The following L3MBTL4 variants were observed in gnomAD, a reference collection of about 807,000 sequenced individuals.
L3MBTL4 encodes L3MBTL histone methyl-lysine binding protein 4.
In L3MBTL4, 70 loss-of-function variants were observed where a neutral mutation model predicts 84.5. The observed-to-expected ratio is 0.83, with a 90% CI of 0.68 to 1.01. The LOEUF (loss-of-function observed/expected upper bound fraction) is 1.01. Ranked by LOEUF, L3MBTL4 falls within the 50% of genes least tolerant of loss-of-function variation. The probability of loss-of-function intolerance (pLI) is 0.00; values close to 1 mark genes in which losing one functional copy is unlikely to be tolerated. For synonymous variants in L3MBTL4, 274 were observed against 259.8 expected, an observed-to-expected ratio of 1.05 and a Z score of -0.52; for missense variants, 715 against 754.8, an observed-to-expected ratio of 0.95 and a Z score of 0.62.
At chr18:6,364,598 T>C (rs1021886293) in intron 1 of L3MBTL4, among the ~76,000 whole-genome samples, 1 of 152,136 alleles carries the variant, frequency 6.6e-6, no homozygotes, top group African/African-American at 2.4e-5. Context: ...TTTTTCATCA[T>C]TAAATAAACT....
chr18:6,055,876 T>C (rs1326363248), intron 16 of L3MBTL4, among the ~76,000 whole-genome samples: 4 of 152,152 alleles, frequency 2.6e-5, no homozygotes, highest in African/African-American at 9.7e-5. Flanking sequence ...TAAGCTTTTG[T>C]CCTCAGCCTC....
intron 16 of L3MBTL4, among the ~76,000 whole-genome samples, chr18:6,062,424 G>A (rs1011524830): frequency 2.6e-5 from 4 of 151,808 alleles, no homozygotes; most frequent in Non-Finnish European, 4.4e-5. Flanking sequence ...CTTTGATTTT[G>A]TATAGTGTGA....
At chr18:6,236,606 A>G (rs990521896) in intron 10 of L3MBTL4, among the ~76,000 whole-genome samples, 2 of 152,236 alleles carry the variant, frequency 1.3e-5, no homozygotes, top group African/African-American at 4.8e-5. Flanking sequence ...ACACACTCAG[A>G]TCTGACAAGC....
chr18:6,223,949 G>T (rs368403377), intron 10 of L3MBTL4, among the ~76,000 whole-genome samples: 141 of 152,074 alleles, frequency 9.3e-4, no homozygotes, highest in African/African-American at 3.3e-3. Flanking sequence ...GGAGCGGTTC[G>T]ATATACTAGT....
At chr18:6,032,551 T>C (rs1252614492) in intron 16 of L3MBTL4, among the ~76,000 whole-genome samples, 1 of 152,010 alleles carries the variant, frequency 6.6e-6, no homozygotes, top group East Asian at 1.9e-4. Flanking sequence ...TTTTTTATTG[T>C]GGTAAAATAC....
At chr18:6,287,995 G>C (rs1015934018) in intron 4 of L3MBTL4, among the ~76,000 whole-genome samples, 1 of 152,144 alleles carries the variant, frequency 6.6e-6, no homozygotes, top group Admixed American at 6.5e-5. Context: ...GTGAGCTGTA[G>C]TCACATCGCT....
At position 6,069,251 on chromosome 18, in the gene L3MBTL4, C is replaced by T. The variant is rs184462914; in HGVS notation, c.1444+11630G>A. Among the ~76,000 whole-genome samples the T allele has an allele frequency of 1.9e-3, 287 of 152,258 alleles. 5 individuals carry two copies. The highest frequency in any genetic ancestry group is 6.9e-4 in the Non-Finnish European group (47 of 68,026). On this transcript the variant is annotated intron_variant, in intron 16 of 18. Transcript: ENST00000317931. ...ACCTCTGGTTAGTCAGGGTGTTGTACGCAGTGGTGATATCTGAGGTCACAT... is the reference window on the plus strand; with the variant it reads ...ACCTCTGGTTAGTCAGGGTGTTGTATGCAGTGGTGATATCTGAGGTCACAT...
Position 5,955,912 on chromosome 18 carries a change from C to T in L3MBTL4, c.*308G>A, listed in dbSNP as rs2298535. On this transcript the variant is annotated 3_prime_UTR_variant, in exon 19 of 19. Transcript: ENST00000317931. ...TGGAAAATGGTTTCTTTTCTGGTGA[C>T]GGAGAAGAATAAAGGTGGATGTGTG... 86,698 of 236,660 alleles carry T rather than the reference C, an allele frequency of 0.37. 16,267 individuals are homozygous for T. The highest frequency in any genetic ancestry group is 0.45 in the East Asian group (5,114 of 11,268). 14.7% of individuals were successfully genotyped at this position (236,660 alleles called of 1,614,324 possible).
At chr18:6,100,409 T>C (rs969239133) in intron 14 of L3MBTL4, among the ~76,000 whole-genome samples, 4 of 152,244 alleles carry the variant, frequency 2.6e-5, no homozygotes, top group African/African-American at 9.6e-5. Context: ...TTGTTTCATA[T>C]TTATTAAAAT....
chr18:5,971,817 G>C (rs2144831011), intron 16 of L3MBTL4, among the ~76,000 whole-genome samples: 1 of 152,258 alleles, frequency 6.6e-6, no homozygotes, highest in South Asian at 2.1e-4. Context: ...GCTGGTTCTG[G>C]GCTCTGGAAG....
intron 16 of L3MBTL4, among the ~76,000 whole-genome samples, chr18:5,991,271 T>C (rs593847): frequency 0.65 from 98,595 of 152,068 alleles, 33,249 homozygotes; most frequent in East Asian, 0.91. Flanking sequence ...AGTCAGTACT[T>C]AGTATGTGCA....
At chr18:6,234,536 T>C (rs1369432790) in intron 10 of L3MBTL4, among the ~76,000 whole-genome samples, 2 of 152,134 alleles carry the variant, frequency 1.3e-5, no homozygotes, top group South Asian at 4.1e-4. Context: ...CAAAAGAAGA[T>C]ATTTATGCAG....
chr18:5,994,325 TGGTTTAATGCTTAGCACAAAGCA>T (rs1567960868), intron 16 of L3MBTL4, among the ~76,000 whole-genome samples: 2 of 152,236 alleles, frequency 1.3e-5, no homozygotes, highest in African/African-American at 2.4e-5. Context: ...CTTCAGTGTC[TGGTTTAATGCTTAGCACAAAGCA>T]GGTGCTCAAA....
At chr18:6,329,293 A>G (rs1163700475) in intron 1 of L3MBTL4, among the ~76,000 whole-genome samples, 1 of 151,236 alleles carries the variant, frequency 6.6e-6, no homozygotes, top group African/African-American at 2.4e-5. Flanking sequence ...AGCTGGGACT[A>G]CAGGTTCTCA....
At chr18:6,336,616 G>A (rs1406939497) in intron 1 of L3MBTL4, among the ~76,000 whole-genome samples, 1 of 152,212 alleles carries the variant, frequency 6.6e-6, no homozygotes, top group African/African-American at 2.4e-5. Context: ...GAGATAGACT[G>A]AGGCTTACAG....
chr18:6,127,011 A>C (rs1281827910), intron 14 of L3MBTL4, among the ~76,000 whole-genome samples: 3 of 152,206 alleles, frequency 2.0e-5, no homozygotes, highest in Non-Finnish European at 4.4e-5. Flanking sequence ...CTTTCCTGGC[A>C]TGATAAAAGT....
At chr18:6,372,021 A>T (rs2054178370) in intron 1 of L3MBTL4, among the ~76,000 whole-genome samples, 1 of 152,158 alleles carries the variant, frequency 6.6e-6, no homozygotes, top group African/African-American at 2.4e-5. Context: ...GGGCCCCTAC[A>T]CATCTTGTCA....
intron 1 of L3MBTL4, among the ~76,000 whole-genome samples, chr18:6,403,773 TA>T (rs1350866074): frequency 6.6e-6 from 1 of 152,156 alleles, no homozygotes; most frequent in African/African-American, 2.4e-5. Flanking sequence ...AAGAAGTCAT[TA>T]TAAGACAAAG....
chr18:6,205,025 C>T (rs964279066), intron 12 of L3MBTL4, among the ~76,000 whole-genome samples: 2 of 152,160 alleles, frequency 1.3e-5, no homozygotes, highest in Non-Finnish European at 2.9e-5. Flanking sequence ...CCAAAGATGT[C>T]GAAATTCTAA....
Sources: gnomAD v4.1 joint callset for allele counts (sites outside exome capture counted in the v4.1 genomes callset) on GRCh38, gnomAD v4.1.1 for gene constraint, MANE v1.5 for transcripts, NCBI Gene and HGNC (gene_info 2026-07-23, HGNC 2026-07-21) for gene names.